The following ZNF385D variants were observed in gnomAD, a reference collection of about 807,000 sequenced individuals.
ZNF385D encodes zinc finger protein 385D.
Under a neutral mutation model 35.8 loss-of-function variants are expected in ZNF385D, and 15 were observed. The observed-to-expected ratio is 0.42, with a 90% CI of 0.28 to 0.64. The LOEUF is 0.64. Ranked by LOEUF, ZNF385D falls within the 30% of genes least tolerant of loss-of-function variation. ZNF385D has a pLI of 0.23. For synonymous variants in ZNF385D, 212 were observed against 186.8 expected (o/e 1.13, Z -1.10); for missense variants, 474 against 494.6 (o/e 0.96, Z 0.39).
At chr3:21,726,058 C>A (rs1236293303) in intron 1 of ZNF385D, among the ~76,000 whole-genome samples, 3 of 152,136 alleles carry the variant, frequency 2.0e-5, no homozygotes, top group African/African-American at 7.2e-5. Flanking sequence ...ATCACATAAA[C>A]AGAACCAATG....
intron 4 of ZNF385D, among the ~76,000 whole-genome samples, chr3:21,444,011 G>A (rs6550607): frequency 0.33 from 50,155 of 151,178 alleles, 10,213 homozygotes; most frequent in African/African-American, 0.57. Context: ...TAGACCATAC[G>A]TTATTCTAAT....
chr3:21,835,181 C>A (rs565552663), intron 3 of ZNF385D, among the ~76,000 whole-genome samples: 26 of 151,284 alleles, frequency 1.7e-4, no homozygotes, highest in Non-Finnish European at 2.7e-4. Context: ...GAGAATCAAT[C>A]AAAAACCAAG....
chr3:21,823,587 T>A (rs555966171), intron 3 of ZNF385D, among the ~76,000 whole-genome samples: 1 of 152,348 alleles, frequency 6.6e-6, no homozygotes, highest in East Asian at 1.9e-4. Context: ...TATGTTCAGA[T>A]GAATTTTCTG....
chr3:21,566,298 C>G (rs1360104679), intron 2 of ZNF385D, among the ~76,000 whole-genome samples: 1 of 152,126 alleles, frequency 6.6e-6, no homozygotes, highest in Non-Finnish European at 1.5e-5. Flanking sequence ...AGCTCAGCCT[C>G]TCCTCATTGT....
intron 4 of ZNF385D, among the ~76,000 whole-genome samples, chr3:21,445,916 T>C (rs1295693502): frequency 6.6e-6 from 1 of 152,220 alleles, no homozygotes; most frequent in Non-Finnish European, 1.5e-5. Flanking sequence ...CACTCTTTTC[T>C]TTATGCTCCT....
At chr3:21,830,444 C>A (rs768726028) in intron 3 of ZNF385D, among the ~76,000 whole-genome samples, 1 of 152,166 alleles carries the variant, frequency 6.6e-6, no homozygotes, top group African/African-American at 2.4e-5. Context: ...GTATAAAACT[C>A]CTGCAACCAT....
intron 2 of ZNF385D, among the ~76,000 whole-genome samples, chr3:22,185,929 C>G (rs2125786710): frequency 6.6e-6 from 1 of 152,274 alleles, no homozygotes; most frequent in South Asian, 2.1e-4. Context: ...TATTGCATGA[C>G]AGGACAGTGG....
At chr3:22,316,162 T>C (rs1160164453) in intron 2 of ZNF385D, among the ~76,000 whole-genome samples, 1 of 152,178 alleles carries the variant, frequency 6.6e-6, no homozygotes, top group African/African-American at 2.4e-5. Context: ...AGGATGGTTT[T>C]CCACACTCCT....
chr3:21,572,021 A>G (rs188549501), intron 2 of ZNF385D, among the ~76,000 whole-genome samples: 3 of 152,266 alleles, frequency 2.0e-5, no homozygotes, highest in East Asian at 3.9e-4. Flanking sequence ...CATGAACTCA[A>G]TCTCCAGCAT....
intron 3 of ZNF385D, among the ~76,000 whole-genome samples, chr3:22,154,171 C>G (rs946213122): frequency 2.0e-5 from 3 of 152,040 alleles, no homozygotes; most frequent in Non-Finnish European, 4.4e-5. Context: ...GTTTGGGTGC[C>G]CAGCTAAGGG....
intron 3 of ZNF385D, among the ~76,000 whole-genome samples, chr3:21,758,975 C>CA (rs58450064): frequency 0.07 from 2,043 of 29,208 alleles, 627 homozygotes; most frequent in Admixed American, 0.088. Flanking sequence ...TCATCACTGG[C>CA]AAAAAAAAAA....
chr3:22,137,013 T>A (rs1051442513), intron 3 of ZNF385D, among the ~76,000 whole-genome samples: 1 of 152,180 alleles, frequency 6.6e-6, no homozygotes, highest in Non-Finnish European at 1.5e-5. Flanking sequence ...ATATATATCA[T>A]TTAGCATTTG....
At chr3:22,202,193 C>T (rs1387138767) in intron 2 of ZNF385D, among the ~76,000 whole-genome samples, 1 of 152,070 alleles carries the variant, frequency 6.6e-6, no homozygotes, top group Non-Finnish European at 1.5e-5. Flanking sequence ...TAAAAACTAA[C>T]TGATTTCACA....
intron 2 of ZNF385D, among the ~76,000 whole-genome samples, chr3:22,356,665 T>C (rs1487836790): frequency 1.3e-5 from 2 of 151,942 alleles, no homozygotes; most frequent in African/African-American, 4.8e-5. Context: ...CAAAGTGTTA[T>C]GACTTAATTC....
At chr3:21,837,535 T>G (rs17009698) in intron 3 of ZNF385D, among the ~76,000 whole-genome samples, 2 of 152,046 alleles carry the variant, frequency 1.3e-5, no homozygotes, top group Non-Finnish European at 2.9e-5. Context: ...ACATGTTTTC[T>G]GCAACTTATT....
rs75760717 is a variant in ZNF385D, at chr3:21,910,302, G to A, written c.326-245274C>T. Among the ~76,000 whole-genome samples the A allele has an allele frequency of 2.1e-3, 316 of 151,976 alleles. 2 individuals carry two copies. The highest frequency in any genetic ancestry group is 6.9e-3 in the African/African-American group (286 of 41,510). On this transcript the variant is annotated intron_variant, in intron 3 of 5. Coordinates refer to the ZNF385D transcript ENST00000494108. ...ATTATATAGGTTGCATATGTTTTAC[G>A]TAGTTTCCAGCTCTCTGAAATAGAG...
At chr3:21,954,503 C>G (rs1299909573) in intron 3 of ZNF385D, among the ~76,000 whole-genome samples, 1 of 151,954 alleles carries the variant, frequency 6.6e-6, no homozygotes, top group Admixed American at 6.6e-5. Flanking sequence ...TCTCATTTTG[C>G]AGCAATTTTA....
chr3:21,889,316 G>T (rs1698718072), intron 3 of ZNF385D, among the ~76,000 whole-genome samples: 1 of 152,186 alleles, frequency 6.6e-6, no homozygotes. Context: ...AGAAGGGCAA[G>T]GAGACCTCAG....
chr3:21,772,256 T>G (rs1388002495), intron 3 of ZNF385D, among the ~76,000 whole-genome samples: 1 of 151,838 alleles, frequency 6.6e-6, no homozygotes, highest in Non-Finnish European at 1.5e-5. Context: ...TTAAAAATGT[T>G]CTCCAAAAGA....
Sources: gnomAD v4.1 joint callset for allele counts (sites outside exome capture counted in the v4.1 genomes callset) on GRCh38, gnomAD v4.1.1 for gene constraint, MANE v1.5 for transcripts, NCBI Gene and HGNC (gene_info 2026-07-23, HGNC 2026-07-21) for gene names.